Variants in SHC4 observed in about 807,000 individuals in gnomAD.
The protein encoded by SHC4 is SHC-transforming protein 4.
In SHC4, 41 loss-of-function variants were observed where a neutral mutation model predicts 69.4. That is an observed-to-expected ratio of 0.59 (90% CI 0.46 to 0.77). The LOEUF is 0.77. SHC4 is among the 30% of genes least tolerant of loss of function. The pLI, the probability that SHC4 is intolerant of heterozygous loss-of-function variation, is 0.00. For synonymous variants in SHC4, 318 were observed against 299.3 expected (o/e 1.06, Z -0.64); for missense variants, 777 against 783.8 (o/e 0.99, Z 0.10).
At chr15:48,874,209 A>C (rs1899749629) in intron 4 of SHC4, among the ~76,000 whole-genome samples, 1 of 152,228 alleles carries the variant, frequency 6.6e-6, no homozygotes, top group African/African-American at 2.4e-5. Context: ...ACAGCAAGAT[A>C]TAAAACTGTA....
At chr15:48,850,233 ATAAAC>A (rs79758207) in intron 9 of SHC4, among the ~76,000 whole-genome samples, 24,889 of 151,520 alleles carry the variant, frequency 0.16, 2,320 homozygotes, top group East Asian at 0.29. Flanking sequence ...AAATAAATAA[ATAAAC>A]TAAACTAAAC....
At chr15:48,951,519 C>G (rs1901364445) in intron 1 of SHC4, among the ~76,000 whole-genome samples, 2 of 152,148 alleles carry the variant, frequency 1.3e-5, no homozygotes, top group African/African-American at 2.4e-5. Context: ...GAAAACCCAG[C>G]TTTTCAGGTA....
intron 2 of SHC4, among the ~76,000 whole-genome samples, chr15:48,916,193 C>T (rs760117872): frequency 9.2e-5 from 14 of 151,744 alleles, no homozygotes; most frequent in African/African-American, 3.1e-4. Context: ...CTAGAGTTGA[C>T]GTTTATTGAA....
chr15:48,943,254 A>G (rs556857043), intron 1 of SHC4, among the ~76,000 whole-genome samples: 6 of 151,660 alleles, frequency 4.0e-5, no homozygotes, highest in African/African-American at 1.5e-4. Flanking sequence ...ATACCTCACC[A>G]TTTTCTCCCG....
intron 4 of SHC4, among the ~76,000 whole-genome samples, chr15:48,882,788 C>G (rs563851016): frequency 6.6e-6 from 1 of 152,314 alleles, no homozygotes; most frequent in South Asian, 2.1e-4. Context: ...GTGGTACCAT[C>G]CATGTGAATG....
At chr15:48,932,469 T>C (rs1013429438) in intron 1 of SHC4, among the ~76,000 whole-genome samples, 1 of 152,188 alleles carries the variant, frequency 6.6e-6, no homozygotes, top group Non-Finnish European at 1.5e-5. Context: ...CTCTCATGAT[T>C]TGGCTCTTGC....
chr15:48,842,900 C>T (rs1899018925), intron 10 of SHC4, among the ~76,000 whole-genome samples: 1 of 152,068 alleles, frequency 6.6e-6, no homozygotes, highest in African/African-American at 2.4e-5. Context: ...CACTGTACCC[C>T]AGCCTGGGTG....
intron 2 of SHC4, among the ~76,000 whole-genome samples, chr15:48,904,928 A>C (rs1248290424): frequency 7.2e-6 from 1 of 138,598 alleles, no homozygotes; most frequent in African/African-American, 2.7e-5. Flanking sequence ...ACACACACAC[A>C]CACACAGACA....
intron 4 of SHC4, among the ~76,000 whole-genome samples, chr15:48,883,864 T>C (rs947676775): frequency 2.0e-5 from 3 of 152,320 alleles, no homozygotes; most frequent in Non-Finnish European, 4.4e-5. Flanking sequence ...TTCCCCTTTG[T>C]CCCTCATCTG....
At chr15:48,920,539 T>A (rs931971916) in intron 2 of SHC4, among the ~76,000 whole-genome samples, 6 of 152,070 alleles carry the variant, frequency 3.9e-5, no homozygotes, top group African/African-American at 1.4e-4. Flanking sequence ...CCTCCCAAAA[T>A]GCTGGGATTA....
intron 6 of SHC4, among the ~76,000 whole-genome samples, chr15:48,864,640 G>T (rs1434935629): frequency 1.4e-4 from 21 of 151,522 alleles, no homozygotes; most frequent in African/African-American, 4.8e-4. Flanking sequence ...GTAGAGACGG[G>T]GTTTCACCGT....
intron 1 of SHC4, among the ~76,000 whole-genome samples, chr15:48,949,547 G>A (rs1005397316): frequency 2.6e-5 from 4 of 151,816 alleles, no homozygotes; most frequent in African/African-American, 4.8e-5. Context: ...CCACCTCAAG[G>A]CACTTTGTTT....
chr15:48,854,835 G>T (rs1026788918), intron 8 of SHC4, among the ~76,000 whole-genome samples: 7 of 151,990 alleles, frequency 4.6e-5, no homozygotes, highest in African/African-American at 1.7e-4. Context: ...AGGGAAAGAG[G>T]GGGGCAAAGG....
At chr15:48,840,401 C>T (rs1244357171) in intron 10 of SHC4, among the ~76,000 whole-genome samples, 1 of 152,118 alleles carries the variant, frequency 6.6e-6, no homozygotes, top group African/African-American at 2.4e-5. Context: ...ACAAGATGAA[C>T]TGAGGAGCCC....
chr15:48,831,346 C>T (rs1368493561), intron 11 of SHC4, among the ~76,000 whole-genome samples: 7 of 152,120 alleles, frequency 4.6e-5, no homozygotes, highest in Non-Finnish European at 5.9e-5. Context: ...TCTTTACATT[C>T]GCTCACCACT....
intron 1 of SHC4, among the ~76,000 whole-genome samples, chr15:48,960,108 TGGGTCGTG>T (rs1394247861): frequency 6.6e-6 from 1 of 152,250 alleles, no homozygotes; most frequent in African/African-American, 2.4e-5. Context: ...GAGGTTCATT[TGGGTCGTG>T]GGGTCAGCAC....
At chr15:48,924,856 C>G (rs759260165) in intron 2 of SHC4, 23 bp downstream of exon 2, 1 of 1,612,662 alleles carries the variant, frequency 6.2e-7, no homozygotes, top group African/African-American at 1.3e-5. Context: ...TCCTCAAAGC[C>G]CCTCCCATTT....
At chr15:48,886,779 T>C (rs1900043867) in intron 3 of SHC4, among the ~76,000 whole-genome samples, 1 of 152,190 alleles carries the variant, frequency 6.6e-6, no homozygotes, top group African/African-American at 2.4e-5. Context: ...TTTGGCAATT[T>C]TGCTGTAGGA....
At chr15:48,907,570 TC>T (rs948516061) in intron 2 of SHC4, among the ~76,000 whole-genome samples, 9 of 151,542 alleles carry the variant, frequency 5.9e-5, no homozygotes, top group African/African-American at 1.9e-4. Context: ...CTCCCTCCCT[TC>T]CCCCCGATTC....
Sources: gnomAD v4.1 joint callset for allele counts (sites outside exome capture counted in the v4.1 genomes callset) on GRCh38, gnomAD v4.1.1 for gene constraint, MANE v1.5 for transcripts, NCBI Gene and HGNC (gene_info 2026-07-23, HGNC 2026-07-21) for gene names.